Variants in TMTC1 observed in about 807,000 individuals in gnomAD.
The protein encoded by TMTC1 is transmembrane O-mannosyltransferase targeting cadherins 1, also known as protein O-mannosyl-transferase TMTC1.
TMTC1 carries 73 observed loss-of-function variants against 104.8 expected under a neutral mutation model. That is an observed-to-expected ratio of 0.70 (90% CI 0.58 to 0.85). The LOEUF is 0.85. Among genes scored for constraint, TMTC1 ranks in the 40% least tolerant of loss-of-function variants. The pLI, the probability that TMTC1 is intolerant of heterozygous loss-of-function variation, is 0.00. For missense variants in TMTC1, 1,035 were observed against 1,096.1 expected, an observed-to-expected ratio of 0.94 and a Z score of 0.79; for synonymous variants, 434 against 428.7, an observed-to-expected ratio of 1.01 and a Z score of -0.15.
chr12:29,513,778 A>G (rs2136138955), intron 16 of TMTC1, among the ~76,000 whole-genome samples: 1 of 152,328 alleles, frequency 6.6e-6, no homozygotes, highest in East Asian at 1.9e-4. Flanking sequence ...GTAAGATGCA[A>G]AACATTGTTT....
intron 5 of TMTC1, among the ~76,000 whole-genome samples, chr12:29,696,791 T>C (rs1378738795): frequency 1.3e-5 from 2 of 152,186 alleles, no homozygotes; most frequent in East Asian, 3.9e-4. Context: ...AGGTATTTTG[T>C]GCAAATTAAC....
intron 5 of TMTC1, among the ~76,000 whole-genome samples, chr12:29,724,167 A>T (rs937700172): frequency 6.6e-6 from 1 of 152,234 alleles, no homozygotes; most frequent in African/African-American, 2.4e-5. Flanking sequence ...CAATCTCATT[A>T]GTAATTAGGG....
chr12:29,604,490 T>C (rs114073764), intron 6 of TMTC1, among the ~76,000 whole-genome samples, 191 bp from the exon 7 acceptor site: 7,172 of 152,180 alleles, frequency 0.047, 579 homozygotes, highest in African/African-American at 0.16. Flanking sequence ...TGTCAAAACA[T>C]ACACATGTAC....
chr12:29,672,107 G>A (rs1043410135), intron 5 of TMTC1, among the ~76,000 whole-genome samples: 3 of 152,218 alleles, frequency 2.0e-5, no homozygotes, highest in Admixed American at 6.5e-5. Flanking sequence ...TTGAGCAGCA[G>A]TATGACATCC....
intron 6 of TMTC1, among the ~76,000 whole-genome samples, chr12:29,632,064 C>A (rs1264643255): frequency 6.6e-6 from 1 of 152,140 alleles, no homozygotes; most frequent in Non-Finnish European, 1.5e-5. Context: ...AGTATATTAC[C>A]TCTGCCCTTT....
chr12:29,514,638 C>A, intron 15 of TMTC1, 34 bp from the exon 16 acceptor site: 1 of 1,582,128 alleles, frequency 6.3e-7, no homozygotes, highest in Non-Finnish European at 8.6e-7. Flanking sequence ...AGAATAAATG[C>A]AGATTAGGTA....
chr12:29,506,971 CA>C lies in TMTC1; in HGVS notation c.2523del (p.Ala842GlnfsTer18), dbSNP rs1943708864. The C allele has an allele frequency of 2.5e-6, 4 of 1,613,824 alleles. No individual in the cohort carries two copies. Among genetic ancestry groups the C allele is most frequent in the Non-Finnish European group, 2.5e-6 (3 of 1,179,736 alleles). On this transcript the variant is annotated frameshift_variant, in exon 18 of 18. Coordinates refer to ENST00000539277, the MANE Select transcript of TMTC1 (RefSeq NM_001193451.2). LOFTEE classifies it high-confidence loss of function. ...AAGGCTCTCTCATAATAAGCTCTTG[CA>C]GACACATATTTTCCCTGGGGGTGGG... is the stretch of plus-strand genomic sequence containing the variant. ...GIQHIKGKYV[S>X]ARAYYERALQ...
chr12:29,689,838 T>G (rs1319795370), intron 5 of TMTC1, among the ~76,000 whole-genome samples: 1 of 152,206 alleles, frequency 6.6e-6, no homozygotes, highest in Non-Finnish European at 1.5e-5. Context: ...CTAGAAGCCA[T>G]TCATTCACTC....
chr12:29,743,292 C>G (rs1395387257), intron 5 of TMTC1, among the ~76,000 whole-genome samples: 1 of 152,116 alleles, frequency 6.6e-6, no homozygotes, highest in Non-Finnish European at 1.5e-5. Flanking sequence ...CACTGCCAAC[C>G]TCATACGTTT....
intron 8 of TMTC1, among the ~76,000 whole-genome samples, chr12:29,581,222 T>C (rs1441774307): frequency 6.6e-6 from 1 of 152,230 alleles, no homozygotes; most frequent in Non-Finnish European, 1.5e-5. Flanking sequence ...TTGACTGACC[T>C]GAACATTACT....
chr12:29,653,357 A>T (rs1353233955), intron 5 of TMTC1, among the ~76,000 whole-genome samples: 1 of 152,086 alleles, frequency 6.6e-6, no homozygotes, highest in African/African-American at 2.4e-5. Context: ...AATTCCGGCG[A>T]ATAATAAGAG....
intron 10 of TMTC1, among the ~76,000 whole-genome samples, chr12:29,539,716 G>T (rs1484663061): frequency 1.3e-5 from 2 of 152,182 alleles, no homozygotes; most frequent in Non-Finnish European, 2.9e-5. Context: ...TCTGAGGCTT[G>T]GCCTCTTAGT....
At chr12:29,536,457 C>G (rs1592192562) in intron 10 of TMTC1, 140 bp from the exon 11 acceptor site, 2 of 626,334 alleles carry the variant, frequency 3.2e-6, no homozygotes, top group East Asian at 5.6e-5. Flanking sequence ...ATGAATTAAA[C>G]TACATTGTCT....
intron 1 of TMTC1, among the ~76,000 whole-genome samples, chr12:29,769,493 G>A (rs1163308827): frequency 2.0e-5 from 3 of 152,304 alleles, no homozygotes; most frequent in South Asian, 2.1e-4. Flanking sequence ...CCAACAAAGC[G>A]GGGAGACCAG....
intron 13 of TMTC1, 62 bp from the exon 14 acceptor site, chr12:29,517,633 G>C: frequency 6.3e-7 from 1 of 1,594,824 alleles, no homozygotes; most frequent in South Asian, 1.1e-5. Context: ...CAAATGTCTA[G>C]GCTTAGATTT....
intron 5 of TMTC1, among the ~76,000 whole-genome samples, chr12:29,681,354 TG>T (rs1342119255): frequency 6.6e-6 from 1 of 152,166 alleles, no homozygotes; most frequent in Non-Finnish European, 1.5e-5. Context: ...ATAGATATTC[TG>T]GCTAGTAAAT....
intron 2 of TMTC1, among the ~76,000 whole-genome samples, chr12:29,759,029 T>C (rs1489023845): frequency 6.6e-6 from 1 of 152,160 alleles, no homozygotes; most frequent in East Asian, 1.9e-4. Context: ...ATTTTTAAGC[T>C]CTCAGAGCGT....
chr12:29,716,883 C>T lies in TMTC1; in HGVS notation c.938+34783G>A, dbSNP rs555473262. Among the ~76,000 whole-genome samples, 13 of 152,000 alleles carry T rather than the reference C, an allele frequency of 8.6e-5. No homozygotes were observed. The East Asian group carries it at 1.6e-3, about 18-fold the overall frequency. Reference sequence around the variant, plus strand: ...ACAAAAACTTAGCCGGGTGTGGTGGCGGGCACCTGTAGTCTCAGCTACTTG... The same window carrying T: ...ACAAAAACTTAGCCGGGTGTGGTGGTGGGCACCTGTAGTCTCAGCTACTTG... On this transcript the variant is annotated intron_variant, in intron 5 of 17. Transcript: ENST00000539277.
intron 5 of TMTC1, among the ~76,000 whole-genome samples, chr12:29,689,440 A>G (rs1237171470): frequency 6.6e-6 from 1 of 152,004 alleles, no homozygotes; most frequent in African/African-American, 2.4e-5. Flanking sequence ...CAGCCTCCCG[A>G]GTAGCTGGGA....
Sources: allele counts gnomAD v4.1 joint callset (sites outside exome capture counted in the v4.1 genomes callset), GRCh38; gene constraint gnomAD v4.1.1; transcripts MANE v1.5; gene names NCBI Gene and HGNC (gene_info 2026-07-23, HGNC 2026-07-21).